RUVBL1: variants seen among roughly 807,000 people sequenced by gnomAD.
The protein encoded by RUVBL1 is RuvB like AAA ATPase 1, also known as ruvB-like 1.
In RUVBL1, 4 loss-of-function variants were observed where a neutral mutation model predicts 52.4. The ratio of observed to expected loss-of-function variants is 0.08; its 90% confidence interval spans 0.04 to 0.17. RUVBL1 has a LOEUF of 0.17. Among genes scored for constraint, RUVBL1 ranks in the 10% least tolerant of loss-of-function variants. The probability of loss-of-function intolerance (pLI) is 1.00; values close to 1 mark genes in which losing one functional copy is unlikely to be tolerated. For synonymous variants in RUVBL1, 217 were observed against 214.4 expected, an observed-to-expected ratio of 1.01 and a Z score of -0.10; for missense variants, 298 against 572.8, an observed-to-expected ratio of 0.52 and a Z score of 4.90.
chr3:128,091,934 C>A (rs1942851468), intron 8 of RUVBL1, among the ~76,000 whole-genome samples: 1 of 152,168 alleles, frequency 6.6e-6, no homozygotes, highest in Non-Finnish European at 1.5e-5. Context: ...ACGGATAACA[C>A]AAAGCTTTTC....
intron 3 of RUVBL1, among the ~76,000 whole-genome samples, chr3:128,107,759 C>A (rs556094669): frequency 6.6e-6 from 1 of 152,194 alleles, no homozygotes; most frequent in Non-Finnish European, 1.5e-5. Context: ...CCAAACAACA[C>A]GAATATATCA....
In RUVBL1 at chr3:128,087,724, A is replaced by C; in HGVS notation, c.1101T>G (p.Thr367=). ...RVMIIRTMLY[T]PQEMKQIIKI... ...GGCTCACCTGTTTCATTTCCTGTGG[A>C]GTATACAGCATGGTCCGGATTATCA... is the stretch of plus-strand genomic sequence containing the variant. Residue 367 remains threonine (T), a synonymous_variant, in exon 9 of 11, where the codon ACT becomes ACG. Coordinates refer to ENST00000322623, the MANE Select transcript of RUVBL1 (RefSeq NM_003707.3). The C allele has an allele frequency of 6.2e-7, 1 of 1,613,504 alleles. No individual in the cohort carries two copies. The highest frequency in any genetic ancestry group is 8.5e-7 in the Non-Finnish European group (1 of 1,179,604).
intron 1 of RUVBL1, among the ~76,000 whole-genome samples, chr3:128,151,418 G>C (rs1371833458): frequency 2.0e-5 from 3 of 151,532 alleles, no homozygotes; most frequent in African/African-American, 7.3e-5. Flanking sequence ...ACAGAGGTAA[G>C]AAATGAGGTT....
intron 3 of RUVBL1, among the ~76,000 whole-genome samples, chr3:128,108,751 T>C (rs1291172910): frequency 6.6e-6 from 1 of 152,086 alleles, no homozygotes; most frequent in Non-Finnish European, 1.5e-5. Context: ...ATCTTACTGT[T>C]CATCTCATCT....
chr3:128,150,586 G>T (rs905958676), intron 1 of RUVBL1, among the ~76,000 whole-genome samples: 1 of 137,482 alleles, frequency 7.3e-6, no homozygotes, highest in Admixed American at 7.8e-5. Flanking sequence ...ATATTCCACA[G>T]AATATATATA....
At chr3:128,125,839 T>C (rs1317684983), upstream of RUVBL1, among the ~76,000 whole-genome samples, 1 of 152,194 alleles carries the variant, frequency 6.6e-6, no homozygotes, top group African/African-American at 2.4e-5. Context: ...GCAATTCCTT[T>C]CTCTATATGG....
At chr3:128,116,405 T>C (rs745836764) in intron 2 of RUVBL1, among the ~76,000 whole-genome samples, 1 of 151,780 alleles carries the variant, frequency 6.6e-6, no homozygotes, top group Non-Finnish European at 1.5e-5. Context: ...GCCAGGCACC[T>C]GTAATCCCAG....
intron 1 of RUVBL1, among the ~76,000 whole-genome samples, chr3:128,120,581 TA>T (rs961736392): frequency 6.6e-6 from 1 of 152,188 alleles, no homozygotes; most frequent in Non-Finnish European, 1.5e-5. Flanking sequence ...TAAGGTTTGC[TA>T]CACTGATTTA....
chr3:128,133,269 C>G (rs949992321), intron 1 of RUVBL1, among the ~76,000 whole-genome samples: 1 of 152,182 alleles, frequency 6.6e-6, no homozygotes, highest in Non-Finnish European at 1.5e-5. Flanking sequence ...ACTCCAGGCC[C>G]CAGCTCCTGG....
chr3:128,152,979 C>CCCCCGCCCA (rs1228710854), intron 1 of RUVBL1, among the ~76,000 whole-genome samples: 1 of 28,628 alleles, frequency 3.5e-5, no homozygotes, highest in Non-Finnish European at 6.3e-5. Context: ...CCCCGTCTTC[C>CCCCCGCCCA]CCCCGCCCAC....
At chr3:128,109,389 AT>A (rs554797220) in intron 3 of RUVBL1, among the ~76,000 whole-genome samples, 15 of 150,190 alleles carry the variant, frequency 1.0e-4, no homozygotes, top group South Asian at 2.1e-4. Context: ...TACAAAAACA[AT>A]TTTTTTTTTG....
chr3:128,118,167 T>C (rs1943569319), intron 2 of RUVBL1, among the ~76,000 whole-genome samples: 1 of 152,204 alleles, frequency 6.6e-6, no homozygotes. Context: ...AAATAAATGG[T>C]AAATGCACTG....
At chr3:128,125,062 G>C (rs892759263), upstream of RUVBL1, among the ~76,000 whole-genome samples, 2 of 139,054 alleles carry the variant, frequency 1.4e-5, no homozygotes, top group African/African-American at 5.5e-5. Flanking sequence ...TGGCCCAGGC[G>C]GGAGTGCAGT....
rs1944284947 is a variant in RUVBL1, at chr3:128,153,367, C to T, written c.-204G>A. On this transcript the variant is annotated 5_prime_UTR_variant, in exon 1 of 10. Coordinates refer to the RUVBL1 transcript ENST00000464873. ...GGCGCTCGGCTGTGCCCGTGAGCCTCAGGAGGGCGGAAGCTTCCGGGCCGG... is the reference window on the plus strand; with the variant it reads ...GGCGCTCGGCTGTGCCCGTGAGCCTTAGGAGGGCGGAAGCTTCCGGGCCGG... 3.6e-6 allele frequency: 5 copies of T among 1,388,362 alleles called. No homozygotes were observed. In the East Asian group the frequency reaches 8.9e-5, roughly 25 times the overall value. 86.0% of individuals were successfully genotyped at this position (1,388,362 alleles called of 1,614,324 possible). A position where few individuals can be genotyped will look rare whatever the true frequency, so the allele number is the denominator to read the frequency against.
chr3:128,074,576 C>T (rs968511663), intron 9 of RUVBL1, among the ~76,000 whole-genome samples: 1 of 152,128 alleles, frequency 6.6e-6, no homozygotes, highest in Non-Finnish European at 1.5e-5. Flanking sequence ...GGCACAGTGG[C>T]TCATGCCTGT....
chr3:128,149,852 T>C (rs1944160302), intron 1 of RUVBL1, among the ~76,000 whole-genome samples: 1 of 152,274 alleles, frequency 6.6e-6, no homozygotes. Flanking sequence ...CTTTGGCCTC[T>C]GGCCAGCTTT....
intron 1 of RUVBL1, among the ~76,000 whole-genome samples, chr3:128,133,099 C>T (rs1184097935): frequency 6.6e-6 from 1 of 152,190 alleles, no homozygotes; most frequent in African/African-American, 2.4e-5. Context: ...CAGCGGTAGC[C>T]AGGCAGTTCT....
At chr3:128,126,790 G>A (rs900624499), upstream of RUVBL1, among the ~76,000 whole-genome samples, 8 of 152,218 alleles carry the variant, frequency 5.3e-5, no homozygotes, top group Non-Finnish European at 1.2e-4. Flanking sequence ...AGTGAGGCCT[G>A]CTGCAGTGGA....
At chr3:128,090,077 C>T (rs1256007569) in intron 8 of RUVBL1, among the ~76,000 whole-genome samples, 2 of 151,904 alleles carry the variant, frequency 1.3e-5, no homozygotes, top group Admixed American at 6.6e-5. Context: ...GAAATAGTGG[C>T]GATGGTCATG....
Sources: allele counts gnomAD v4.1 joint callset (sites outside exome capture counted in the v4.1 genomes callset), GRCh38; gene constraint gnomAD v4.1.1; transcripts MANE v1.5; gene names NCBI Gene and HGNC (gene_info 2026-07-23, HGNC 2026-07-21).